ROPN1L: variants seen among roughly 807,000 people sequenced by gnomAD.
ROPN1L encodes the protein ropporin-1-like protein.
A neutral mutation model predicts 22.7 loss-of-function variants in ROPN1L; 23 were observed. The observed-to-expected ratio is 1.01, with a 90% CI of 0.73 to 1.43. The LOEUF (loss-of-function observed/expected upper bound fraction) is 1.43. Ranked by LOEUF, ROPN1L falls within the 40% of genes most tolerant of loss-of-function variation. The pLI, the probability that ROPN1L is intolerant of heterozygous loss-of-function variation, is 0.00. For synonymous variants in ROPN1L, 116 were observed against 117.8 expected (o/e 0.98, Z 0.10); for missense variants, 271 against 291.5 (o/e 0.93, Z 0.51).
intron 1 of ROPN1L, 95 bp downstream of exon 1, chr5:10,442,393 A>G (rs903692427): frequency 6.7e-6 from 10 of 1,502,840 alleles, no homozygotes; most frequent in Admixed American, 5.7e-5. Flanking sequence ...CTTACGCGGC[A>G]CTCAGCGTCC....
At chr5:10,455,881 A>G (rs1422221650) in intron 3 of ROPN1L, among the ~76,000 whole-genome samples, 1 of 152,250 alleles carries the variant, frequency 6.6e-6, no homozygotes, top group Non-Finnish European at 1.5e-5. Context: ...GCACAGCTTC[A>G]CTGGAAGTCC....
chr5:10,458,491 GTGTACACCATCCCCCTCA>G (rs1282327746), intron 3 of ROPN1L, among the ~76,000 whole-genome samples: 36 of 64,840 alleles, frequency 5.6e-4, no homozygotes, highest in South Asian at 2.6e-3. Context: ...CCATCCCGCT[GTGTACACCATCCCCCTCA>G]TGTACACCAT....
chr5:10,463,070 C>G (rs768345789), intron 4 of ROPN1L, among the ~76,000 whole-genome samples: 4 of 152,204 alleles, frequency 2.6e-5, no homozygotes, highest in Non-Finnish European at 4.4e-5. Context: ...CCACGCAATT[C>G]TCACTCTGAT....
At chr5:10,480,164 T>G in the ROPN1L span, among the ~76,000 whole-genome samples, 1 of 152,358 alleles carries the variant, frequency 6.6e-6, no homozygotes, top group Non-Finnish European at 1.5e-5. Flanking sequence ...AAATAGGCCA[T>G]AAACCAATGT....
chr5:10,452,371 C>T (rs1176732399), intron 3 of ROPN1L, among the ~76,000 whole-genome samples: 4 of 146,424 alleles, frequency 2.7e-5, no homozygotes, highest in South Asian at 4.3e-4. Flanking sequence ...GAGTCTTGCT[C>T]TGTCACCCAG....
intron 4 of ROPN1L, among the ~76,000 whole-genome samples, chr5:10,462,188 T>TC (rs1252448213): frequency 6.6e-6 from 1 of 152,230 alleles, no homozygotes. Context: ...ACCTGGGCCA[T>TC]CAGCCAATCA....
chr5:10,474,449 C>T (rs895524779), downstream of ROPN1L, among the ~76,000 whole-genome samples: 3 of 152,200 alleles, frequency 2.0e-5, no homozygotes, highest in East Asian at 5.8e-4. Context: ...ACTGCGAGGG[C>T]ACCAGGTGCT....
chr5:10,458,883 C>T (rs531659094), intron 3 of ROPN1L, among the ~76,000 whole-genome samples: 22 of 55,438 alleles, frequency 4.0e-4, no homozygotes, highest in African/African-American at 1.2e-3. Context: ...CCGTGTACAC[C>T]ATCCCCTCGT....
the ROPN1L span, among the ~76,000 whole-genome samples, chr5:10,479,678 G>C: frequency 2.0e-5 from 3 of 152,204 alleles, no homozygotes; most frequent in Non-Finnish European, 4.4e-5. Context: ...TCTTGCCTGA[G>C]CTCCTGTCCC....
intron 3 of ROPN1L, among the ~76,000 whole-genome samples, chr5:10,460,831 C>T (rs182202780): frequency 5.9e-5 from 9 of 152,328 alleles, no homozygotes; most frequent in Admixed American, 1.3e-4. Flanking sequence ...GGCACGTCCC[C>T]GGGTGTGTCT....
rs921984519 is a variant in ROPN1L at position 10,443,438 on chromosome 5, A to C, written c.131+1140A>C. 6.6e-5 allele frequency among the ~76,000 whole-genome samples: 10 copies of C among 151,862 alleles called. No individual in the cohort carries two copies. In the East Asian group the frequency reaches 1.9e-3, roughly 30 times the overall value. ...GAGATCGAGACCATCCTGGCTAACA[A>C]GGTGAAACCCCGTCTCTACTAAAAA... is the stretch of plus-strand genomic sequence containing the variant. On this transcript the variant is annotated intron_variant, in intron 1 of 4. Transcript: ENST00000274134.
intron 4 of ROPN1L, among the ~76,000 whole-genome samples, chr5:10,470,107 C>T (rs761158305): frequency 3.3e-5 from 5 of 151,994 alleles, no homozygotes; most frequent in South Asian, 2.1e-4. Flanking sequence ...TTGCTATTTC[C>T]GTAATTTGCA....
chr5:10,482,347 T>C, the ROPN1L span: 9 of 152,326 alleles, frequency 5.9e-5, no homozygotes, highest in African/African-American at 2.2e-4. Flanking sequence ...TACTATTTCC[T>C]GTATCATAAA....
chr5:10,465,801 G>A (rs2567572), downstream of ROPN1L, among the ~76,000 whole-genome samples: 3 of 152,124 alleles, frequency 2.0e-5, no homozygotes, highest in Non-Finnish European at 2.9e-5. Context: ...GTAGTGAGCC[G>A]AGATCGCGCC....
the ROPN1L span, chr5:10,482,074 T>C: frequency 6.6e-6 from 1 of 151,794 alleles, no homozygotes; most frequent in African/African-American, 2.4e-5. Context: ...CTACTAAAAA[T>C]ACAAAAATCA....
intron 3 of ROPN1L, among the ~76,000 whole-genome samples, chr5:10,456,374 G>A (rs186369410): frequency 6.6e-6 from 1 of 152,204 alleles, no homozygotes; most frequent in African/African-American, 2.4e-5. Context: ...TGTAACCCCA[G>A]CTATTCAGGA....
At chr5:10,451,549 AT>A (rs567134159) in intron 3 of ROPN1L, among the ~76,000 whole-genome samples, 83 of 152,360 alleles carry the variant, frequency 5.4e-4, no homozygotes, top group Middle Eastern at 3.4e-3. Context: ...GACTAGATGT[AT>A]TCATCTGTAC....
At position 10,442,131 on chromosome 5, in the gene ROPN1L, C is replaced by T. The variant is rs1740899712; in HGVS notation, c.-37C>T. The stretch of plus-strand genomic sequence containing the variant: ...AGCCGCCCTTCTTCCTCGCAGCGCG[C>T]CGCGATTCACCAGCCTGGTCCCTTC... On this transcript the variant is annotated 5_prime_UTR_variant, in exon 1 of 5. Transcript: ENST00000274134. 6.3e-7 allele frequency: 1 copy of T among 1,586,424 alleles called. No homozygotes were observed. The highest frequency in any genetic ancestry group is 8.6e-7 in the Non-Finnish European group (1 of 1,159,374).
intron 4 of ROPN1L, among the ~76,000 whole-genome samples, chr5:10,461,920 A>C (rs1273628243): frequency 1.3e-5 from 2 of 152,166 alleles, no homozygotes; most frequent in African/African-American, 4.8e-5. Context: ...GTTGAGGTAC[A>C]TCCCCTCCCT....
Sources: allele counts gnomAD v4.1 joint callset (sites outside exome capture counted in the v4.1 genomes callset), GRCh38; gene constraint gnomAD v4.1.1; transcripts MANE v1.5; gene names NCBI Gene and HGNC (gene_info 2026-07-23, HGNC 2026-07-21).